The following AGBL4 variants were observed in gnomAD, a reference collection of about 807,000 sequenced individuals.
The protein encoded by AGBL4 is AGBL carboxypeptidase 4.
In AGBL4, 58 loss-of-function variants were observed where a neutral mutation model predicts 66.4. The ratio of observed to expected loss-of-function variants is 0.87; its 90% CI spans 0.71 to 1.09. The LOEUF (loss-of-function observed/expected upper bound fraction) is 1.09. AGBL4 is among the 50% of genes least tolerant of loss of function. The pLI is 0.00. For missense variants in AGBL4, 579 were observed against 631.0 expected (o/e 0.92, Z 0.88); for synonymous variants, 234 against 222.9 (o/e 1.05, Z -0.44).
intron 3 of AGBL4, among the ~76,000 whole-genome samples, chr1:49,691,109 C>T (rs1248636569): frequency 2.0e-5 from 3 of 151,842 alleles, no homozygotes; most frequent in Non-Finnish European, 2.9e-5. Context: ...AAAGGAAGGT[C>T]GAAAAGGAAT....
chr1:48,634,432 T>G, intron 9 of AGBL4, 61 bp downstream of exon 9: 1 of 1,382,152 alleles, frequency 7.2e-7, no homozygotes, highest in Non-Finnish European at 1.0e-6. Flanking sequence ...CCCAATACAA[T>G]GCTGCCCTTT....
chr1:49,968,586 A>C (rs561900765), intron 1 of AGBL4, among the ~76,000 whole-genome samples: 1 of 152,156 alleles, frequency 6.6e-6, no homozygotes, highest in African/African-American at 2.4e-5. Flanking sequence ...CATGCCTACT[A>C]AAATATTTAT....
intron 1 of AGBL4, among the ~76,000 whole-genome samples, chr1:49,937,721 A>C (rs1654243106): frequency 1.3e-5 from 2 of 152,242 alleles, no homozygotes; most frequent in South Asian, 4.1e-4. Context: ...GAAACTGAAC[A>C]ACCTGCTCCT....
At chr1:49,098,495 T>A (rs997636158) in intron 4 of AGBL4, among the ~76,000 whole-genome samples, 23 of 152,160 alleles carry the variant, frequency 1.5e-4, no homozygotes, top group Non-Finnish European at 5.9e-5. Context: ...AAGAGTAACA[T>A]CCATCATCTC....
intron 3 of AGBL4, chr1:49,691,237 C>G (rs1236180988): frequency 6.6e-6 from 1 of 152,256 alleles, no homozygotes; most frequent in Admixed American, 6.6e-5. Flanking sequence ...TTACTTCATA[C>G]TGAGGTCTGG....
rs201810134 is a variant in AGBL4 at position 49,049,835 on chromosome 1, AAAT to A, written c.378-4038_378-4036del. On this transcript the variant is annotated intron_variant, in intron 4 of 13. Coordinates refer to ENST00000371839, the MANE Select transcript of AGBL4 (RefSeq NM_032785.4). ...AGTCTATGATATCCATGGAAAAATA[AAAT>A]AATAATAATAATTATTATAGTACTA... 3.5e-4 allele frequency among the ~76,000 whole-genome samples: 53 copies of A among 152,098 alleles called. 1 individual carries two copies. The highest frequency in any genetic ancestry group is 8.7e-4 in the African/African-American group (36 of 41,534).
In AGBL4 at chr1:48,910,973, T is replaced by C. The variant is rs115711109; in HGVS notation, c.595-43743A>G. Among the ~76,000 whole-genome samples the C allele has an allele frequency of 2.4e-3, 371 of 152,294 alleles. 3 individuals carry two copies. Among genetic ancestry groups the C allele is most frequent in the African/African-American group, 8.4e-3 (351 of 41,564 alleles). The stretch of plus-strand genomic sequence containing the variant: ...AAGGCTGAATAAGCACAGACCTGCA[T>C]GTGGCTTTGTTGGCTAATATCAAAT... On this transcript the variant is annotated intron_variant, in intron 5 of 13. Transcript: ENST00000371839.
At chr1:49,500,569 G>A (rs911299837) in intron 3 of AGBL4, among the ~76,000 whole-genome samples, 1 of 151,844 alleles carries the variant, frequency 6.6e-6, no homozygotes, top group Admixed American at 6.6e-5. Flanking sequence ...GGTGAGAGAC[G>A]AGGATCAACT....
chr1:48,758,126 T>G lies in AGBL4; in HGVS notation c.635-94885A>C, dbSNP rs1644043521. On this transcript the variant is annotated intron_variant, in intron 6 of 13. Transcript: ENST00000371839. ...TAAAATAGGGTGCAATATAAGAACC[T>G]ATTAAGTTCTATGAGCAAACCAAAG... Among the ~76,000 whole-genome samples the G allele has an allele frequency of 2.6e-5, 4 of 152,248 alleles. No individual in the cohort carries two copies. The South Asian group carries it at 6.2e-4, about 24-fold the overall frequency.
chr1:48,756,895 T>C (rs1031374088), intron 6 of AGBL4, among the ~76,000 whole-genome samples: 3 of 152,184 alleles, frequency 2.0e-5, no homozygotes, highest in African/African-American at 4.8e-5. Context: ...GTGACTCAGA[T>C]CAGGGAAGAG....
At position 48,921,963 on chromosome 1, in the gene AGBL4, A is replaced by T. The variant is rs191061262; in HGVS notation, c.595-54733T>A. Among the ~76,000 whole-genome samples, 22 of 152,316 alleles carry T rather than the reference A, an allele frequency of 1.4e-4. No homozygotes were observed. The East Asian group carries it at 4.2e-3, about 29-fold the overall frequency. On this transcript the variant is annotated intron_variant, in intron 5 of 13. Transcript: ENST00000371839. ...TCAGTTAAAACAATATACGTGGAAC[A>T]TTTAGTTAGCATATTCTAAAAATCT...
intron 3 of AGBL4, among the ~76,000 whole-genome samples, chr1:49,438,519 G>A (rs1475006923): frequency 6.6e-6 from 1 of 152,114 alleles, no homozygotes; most frequent in African/African-American, 2.4e-5. Flanking sequence ...TATAAACCAA[G>A]AAGAAATAAA....
At chr1:48,778,655 TTGTG>T (rs1019876341) in intron 6 of AGBL4, among the ~76,000 whole-genome samples, 1 of 152,042 alleles carries the variant, frequency 6.6e-6, no homozygotes, top group Non-Finnish European at 1.5e-5. Context: ...CTTGTATTCA[TTGTG>T]TGTGTGTGTG....
chr1:49,157,174 T>G (rs1036264855), intron 4 of AGBL4, among the ~76,000 whole-genome samples: 2 of 152,104 alleles, frequency 1.3e-5, no homozygotes, highest in African/African-American at 2.4e-5. Flanking sequence ...CATGGTGGTT[T>G]GCTGCAACCT....
chr1:50,023,338 C>A (rs1662584420), intron 1 of AGBL4, among the ~76,000 whole-genome samples: 1 of 152,164 alleles, frequency 6.6e-6, no homozygotes, highest in South Asian at 2.1e-4. Context: ...TCTTTAGAGT[C>A]AGAGCCTCCT....
chr1:49,697,455 G>C lies in AGBL4; in HGVS notation c.158-18C>G. 1 of 1,492,478 alleles carries C rather than the reference G, an allele frequency of 6.7e-7. No homozygotes were observed. Among genetic ancestry groups the C allele is most frequent in the Non-Finnish European group, 9.1e-7 (1 of 1,103,308 alleles). The allele number at this position is 1,492,478 out of a possible 1,614,324, so 92.5% of individuals were successfully genotyped here. A position where few individuals can be genotyped will look rare whatever the true frequency, so the allele number is the denominator to read the frequency against. ...CAGGTTACCTGGTAATAAAAATTAAGAGAATTGGATTTTAATAGAAGTTCA... is the reference window on the plus strand; with the variant it reads ...CAGGTTACCTGGTAATAAAAATTAACAGAATTGGATTTTAATAGAAGTTCA... On this transcript the variant is annotated intron_variant, in intron 2 of 13. Transcript: ENST00000371839.
chr1:49,386,308 A>G (rs1305869912), intron 3 of AGBL4, among the ~76,000 whole-genome samples: 1 of 151,740 alleles, frequency 6.6e-6, no homozygotes, highest in East Asian at 1.9e-4. Flanking sequence ...TCCAACAAAG[A>G]GAATGAGGTA....
chr1:49,476,318 A>G (rs960914905), intron 3 of AGBL4, among the ~76,000 whole-genome samples: 1 of 151,750 alleles, frequency 6.6e-6, no homozygotes, highest in Non-Finnish European at 1.5e-5. Flanking sequence ...GACTTGCTTT[A>G]TGACAGAGAA....
rs548819257 is a variant in AGBL4, at chr1:49,376,045, T to C, written c.283-130181A>G. ...TTCAGCAATGTCTGCCTGTATATTG[T>C]ATGAAAAGATTAAGAGTCTCAGCAT... On this transcript the variant is annotated intron_variant, in intron 3 of 13. Coordinates refer to ENST00000371839, the MANE Select transcript of AGBL4 (RefSeq NM_032785.4). Among the ~76,000 whole-genome samples the C allele has an allele frequency of 7.4e-4, 113 of 152,274 alleles. 1 individual carries two copies. Among genetic ancestry groups the C allele is most frequent in the African/African-American group, 2.6e-3 (109 of 41,576 alleles).
Sources: gnomAD v4.1 joint callset for allele counts (sites outside exome capture counted in the v4.1 genomes callset) on GRCh38, gnomAD v4.1.1 for gene constraint, MANE v1.5 for transcripts, NCBI Gene and HGNC (gene_info 2026-07-23, HGNC 2026-07-21) for gene names.